OPA3: variants seen among roughly 807,000 people sequenced by gnomAD.
OPA3 encodes optic atrophy 3 protein.
A neutral mutation model predicts 4.0 loss-of-function variants in OPA3; 6 were observed. The ratio of observed to expected loss-of-function variants is 1.51; its 90% CI spans 0.83 to 2.99. The LOEUF (loss-of-function observed/expected upper bound fraction) is 2.99. OPA3 is among the 30% of genes most tolerant of loss of function. The pLI, the probability that OPA3 is intolerant of heterozygous loss-of-function variation, is 0.00. For synonymous variants in OPA3, 105 were observed against 117.1 expected, an observed-to-expected ratio of 0.90 and a Z score of 0.67; for missense variants, 235 against 256.2, an observed-to-expected ratio of 0.92 and a Z score of 0.56.
At position 45,576,437 on chromosome 19, in the gene OPA3, C is replaced by A. The variant is rs151081181; in HGVS notation, c.142+8186G>T. 5.7e-3 allele frequency among the ~76,000 whole-genome samples: 858 copies of A among 151,814 alleles called. 10 individuals are homozygous for A. Among genetic ancestry groups the A allele is most frequent in the African/African-American group, 0.02 (820 of 41,320 alleles). On this transcript the variant is annotated intron_variant, in intron 1 of 1. Coordinates refer to ENST00000263275, the MANE Select transcript of OPA3 (RefSeq NM_025136.4). ...GTGGTGGTGGGTGCTACTCAGGGGA[C>A]TGAGGCAGGAGAATCGCTTGAACCC...
Position 45,550,438 on chromosome 19 carries a change from C to T in OPA3, c.*3076G>A, listed in dbSNP as rs371025254. On this transcript the variant is annotated 3_prime_UTR_variant, in exon 2 of 2. Transcript: ENST00000263275. ...GATAGAGAGGGTCTCCCACTATCAA[C>T]GCCACCTCTGGGATGGTCTGGGCCT... 1.7e-5 allele frequency: 17 copies of T among 985,900 alleles called. No homozygotes were observed. In the East Asian group the frequency reaches 9.1e-4, roughly 53 times the overall value. The allele number at this position is 985,900 out of a possible 1,614,324, so 61.1% of individuals were successfully genotyped here.
chr19:45,563,795 C>T (rs1344787329), intron 1 of OPA3, among the ~76,000 whole-genome samples: 1 of 151,722 alleles, frequency 6.6e-6, no homozygotes, highest in Non-Finnish European at 1.5e-5. Flanking sequence ...ACCTCATGAT[C>T]CACCTGCCTC....
intron 1 of OPA3, among the ~76,000 whole-genome samples, chr19:45,568,955 T>C (rs138236089): frequency 2.4e-3 from 358 of 152,220 alleles, no homozygotes; most frequent in African/African-American, 7.9e-3. Flanking sequence ...GACTACTGAG[T>C]CATGCCTCTT....
exon 2 of OPA3, chr19:45,528,733 G>C (rs1241836066): frequency 3.2e-6 from 1 of 316,330 alleles, no homozygotes; most frequent in Non-Finnish European, 5.8e-6. Context: ...GGCCTACCTA[G>C]CGGTAGGGAG....
intron 1 of OPA3, among the ~76,000 whole-genome samples, chr19:45,554,734 T>C (rs1254314793): frequency 1.3e-5 from 2 of 152,236 alleles, no homozygotes; most frequent in Non-Finnish European, 2.9e-5. Flanking sequence ...ATTTGCAACA[T>C]CTCCTTTTAC....
In OPA3 at chr19:45,572,277, GTATA is replaced by G. The variant is rs773297577; in HGVS notation, c.142+12342_142+12345del. ...TAAATAAAAAATAAAAATATATATA[GTATA>G]TATATCGATATATATCTCATATATA... is the stretch of plus-strand genomic sequence containing the variant. On this transcript the variant is annotated intron_variant, in intron 1 of 1. Transcript: ENST00000263275. Among the ~76,000 whole-genome samples the G allele has an allele frequency of 8.3e-4, 97 of 116,950 alleles. 1 individual carries two copies. Among genetic ancestry groups the G allele is most frequent in the African/African-American group, 2.7e-3 (93 of 33,984 alleles). The allele number at this position is 116,950 out of a possible 152,430, so 76.7% of individuals were successfully genotyped here.
chr19:45,532,190 T>C (rs997371695), intron 1 of OPA3, among the ~76,000 whole-genome samples: 4 of 152,220 alleles, frequency 2.6e-5, no homozygotes, highest in African/African-American at 9.6e-5. Flanking sequence ...TAGGCTTCCC[T>C]GGTGGGTGAC....
intron 1 of OPA3, among the ~76,000 whole-genome samples, chr19:45,555,228 C>T (rs571628823): frequency 6.6e-6 from 1 of 152,204 alleles, no homozygotes; most frequent in African/African-American, 2.4e-5. Flanking sequence ...TGGTTGCCGA[C>T]ATATAAATCA....
intron 1 of OPA3, among the ~76,000 whole-genome samples, chr19:45,571,237 G>A (rs867858197): frequency 4.6e-5 from 7 of 152,120 alleles, no homozygotes; most frequent in Middle Eastern, 3.4e-3. Flanking sequence ...TCCACCTCCC[G>A]GGTTCAAGCG....
rs1969324706 is a variant in OPA3 at position 45,551,020 on chromosome 19, G to A, written c.*2494C>T. On this transcript the variant is annotated 3_prime_UTR_variant, in exon 2 of 2. Transcript: ENST00000263275. ...CTGTCATCCAGGCTGGAGTGTAGTG[G>A]CGCGATCACGGCTCGCTGCAGCCTC... 3 of 921,998 alleles carry A rather than the reference G, an allele frequency of 3.3e-6. No homozygotes were observed. Among genetic ancestry groups the A allele is most frequent in the Non-Finnish European group, 3.9e-6 (3 of 772,086 alleles). The allele number at this position is 921,998 out of a possible 1,614,324, so 57.1% of individuals were successfully genotyped here. A position where few individuals can be genotyped will look rare whatever the true frequency, so the allele number is the denominator to read the frequency against.
intron 1 of OPA3, among the ~76,000 whole-genome samples, chr19:45,576,207 T>C (rs1969764812): frequency 6.7e-6 from 1 of 149,640 alleles, no homozygotes; most frequent in Admixed American, 6.7e-5. Context: ...TGGGCGACCA[T>C]GTGAGACCCC....
Position 45,584,798 on chromosome 19 carries a change from T to C in OPA3, c.-34A>G. The C allele has an allele frequency of 2.5e-6, 4 of 1,611,700 alleles. No homozygotes were observed. The highest frequency in any genetic ancestry group is 3.4e-6 in the Non-Finnish European group (4 of 1,179,870). On this transcript the variant is annotated 5_prime_UTR_variant, in exon 1 of 2. Coordinates refer to ENST00000263275, the MANE Select transcript of OPA3 (RefSeq NM_025136.4). ...TCTCACAGGGCACGCGCAACCTTGC[T>C]GACTGGGCGGGGCGCCTCAACCTCT...
intron 1 of OPA3, among the ~76,000 whole-genome samples, chr19:45,539,709 G>T (rs935669154): frequency 6.6e-6 from 1 of 151,116 alleles, no homozygotes; most frequent in Non-Finnish European, 1.5e-5. Context: ...AGCAGACAGC[G>T]CGTCACTGCA....
Position 45,553,104 on chromosome 19 carries a change from G to T in OPA3, c.*410C>A. The T allele has an allele frequency of 8.8e-7, 1 of 1,137,494 alleles. No homozygotes were observed. Among genetic ancestry groups the T allele is most frequent in the South Asian group, 2.2e-5 (1 of 46,286 alleles). The allele number at this position is 1,137,494 out of a possible 1,614,324, so 70.5% of individuals were successfully genotyped here. Reference sequence around the variant, plus strand: ...AGTGGTCTGTGCCGATTGACAAAAAGAAGAAGGTGTTCCAGTGTAACAGAT... The same window carrying T: ...AGTGGTCTGTGCCGATTGACAAAAATAAGAAGGTGTTCCAGTGTAACAGAT... On this transcript the variant is annotated 3_prime_UTR_variant, in exon 2 of 2. Transcript: ENST00000263275.
chr19:45,581,522 G>A (rs920032308), intron 1 of OPA3, among the ~76,000 whole-genome samples: 49 of 152,190 alleles, frequency 3.2e-4, no homozygotes, highest in Non-Finnish European at 6.3e-4. Flanking sequence ...TGGGGGATAC[G>A]TCTGTCCCCC....
chr19:45,557,959 C>G (rs1969445594), intron 1 of OPA3, among the ~76,000 whole-genome samples: 1 of 152,204 alleles, frequency 6.6e-6, no homozygotes, highest in Admixed American at 6.6e-5. Context: ...CCGCCTCCAG[C>G]CTCCTTCCCA....
chr19:45,539,346 C>T (rs1969157029), intron 1 of OPA3, among the ~76,000 whole-genome samples: 1 of 152,134 alleles, frequency 6.6e-6, no homozygotes, highest in South Asian at 2.1e-4. Context: ...CACCTGTATT[C>T]CCAGCACTCT....
intron 1 of OPA3, among the ~76,000 whole-genome samples, chr19:45,572,781 C>CTATA (rs60247518): frequency 2.2e-5 from 2 of 89,994 alleles, no homozygotes; most frequent in East Asian, 6.1e-4. Flanking sequence ...ATATATCATA[C>CTATA]TATATATAGA....
intron 1 of OPA3, among the ~76,000 whole-genome samples, chr19:45,561,583 T>C (rs1969503917): frequency 6.6e-6 from 1 of 151,966 alleles, no homozygotes; most frequent in African/African-American, 2.4e-5. Flanking sequence ...AACTGTATAC[T>C]AGGGAGGAGG....
Sources: allele counts gnomAD v4.1 joint callset (sites outside exome capture counted in the v4.1 genomes callset), GRCh38; gene constraint gnomAD v4.1.1; transcripts MANE v1.5; gene names NCBI Gene and HGNC (gene_info 2026-07-23, HGNC 2026-07-21).